The following ARMH4 variants were observed in gnomAD, a reference collection of about 807,000 sequenced individuals.
ARMH4 encodes armadillo-like helical domain-containing protein 4.
A neutral mutation model predicts 61.9 loss-of-function variants in ARMH4; 49 were observed. The ratio of observed to expected loss-of-function variants is 0.79; its 90% CI spans 0.63 to 1.00. The LOEUF (loss-of-function observed/expected upper bound fraction) is 1.00, where lower values mean the gene tolerates loss of function less well. Ranked by LOEUF, ARMH4 falls within the 50% of genes least tolerant of loss-of-function variation. ARMH4 has a pLI of 0.00. For synonymous variants in ARMH4, 368 were observed against 341.5 expected, an observed-to-expected ratio of 1.08 and a Z score of -0.85; for missense variants, 934 against 930.0, an observed-to-expected ratio of 1.00 and a Z score of -0.06.
At chr14:58,040,956 A>G (rs528215616) in intron 5 of ARMH4, among the ~76,000 whole-genome samples, 2 of 152,324 alleles carry the variant, frequency 1.3e-5, no homozygotes, top group South Asian at 2.1e-4. Context: ...ACGTTCCTCT[A>G]AGTAAAATGA....
At chr14:58,119,909 T>C (rs1886666718) in intron 4 of ARMH4, among the ~76,000 whole-genome samples, 1 of 152,204 alleles carries the variant, frequency 6.6e-6, no homozygotes, top group Non-Finnish European at 1.5e-5. Flanking sequence ...CTTTAGAATT[T>C]TTTCCATATT....
Position 58,096,794 on chromosome 14 carries a change from C to T in ARMH4, c.2019G>A (p.Met673Ile), listed in dbSNP as rs1388463525. The change falls in exon 5 of 8, where the codon ATG (methionine) becomes ATA (isoleucine). Residue 673 changes from methionine to isoleucine, a missense_variant. Transcript: ENST00000267485. Reference protein sequence around the residue: ...SQEPGLEEGNMDLLEGATYQV... With the variant: ...SQEPGLEEGNIDLLEGATYQV... ...GGTAGGTAGCTCCCTCCAACAGGTC[C>T]ATGTTTCCCTCCTCTAAGCCTGGTT... is the stretch of plus-strand genomic sequence containing the variant. The T allele has an allele frequency of 1.9e-6, 3 of 1,613,984 alleles. No individual in the cohort carries two copies. The highest frequency in any genetic ancestry group is 2.5e-6 in the Non-Finnish European group (3 of 1,180,026).
intron 4 of ARMH4, among the ~76,000 whole-genome samples, chr14:58,128,770 C>T (rs1372220700): frequency 6.6e-6 from 1 of 152,298 alleles, no homozygotes; most frequent in Middle Eastern, 3.4e-3. Context: ...CAGAAGCAGA[C>T]CCCTGTTACA....
intron 4 of ARMH4, among the ~76,000 whole-genome samples, chr14:58,121,021 C>T (rs1184372656): frequency 6.6e-6 from 1 of 152,136 alleles, no homozygotes; most frequent in African/African-American, 2.4e-5. Flanking sequence ...ATTTGTAGGG[C>T]ATGGCTCTCC....
chr14:58,091,460 GA>G (rs919550231), intron 5 of ARMH4, among the ~76,000 whole-genome samples: 7 of 151,996 alleles, frequency 4.6e-5, no homozygotes, highest in South Asian at 2.1e-4. Context: ...GTTTTGAGGG[GA>G]AAAAAATGTA....
chr14:58,150,166 G>A (rs1036012937), intron 1 of ARMH4, among the ~76,000 whole-genome samples: 1 of 152,136 alleles, frequency 6.6e-6, no homozygotes. Flanking sequence ...CCATTTGCTT[G>A]GCTAGATCTC....
At chr14:58,075,446 C>T (rs1255863709) in intron 5 of ARMH4, among the ~76,000 whole-genome samples, 1 of 152,134 alleles carries the variant, frequency 6.6e-6, no homozygotes, top group Admixed American at 6.5e-5. Context: ...AGTTCATGTC[C>T]TTTGCAGGGA....
intron 5 of ARMH4, among the ~76,000 whole-genome samples, chr14:58,064,080 C>A (rs1411823450): frequency 6.7e-6 from 1 of 149,872 alleles, no homozygotes; most frequent in African/African-American, 2.5e-5. Context: ...ATAGGTTGAG[C>A]CAACACCCAA....
At chr14:58,068,132 C>A (rs931724606) in intron 5 of ARMH4, among the ~76,000 whole-genome samples, 2 of 152,062 alleles carry the variant, frequency 1.3e-5, no homozygotes, top group South Asian at 2.1e-4. Flanking sequence ...GCTTTTAGTT[C>A]TTTTTATTAT....
intron 4 of ARMH4, among the ~76,000 whole-genome samples, chr14:58,108,502 T>C (rs1886242079): frequency 1.3e-5 from 2 of 152,202 alleles, no homozygotes; most frequent in African/African-American, 2.4e-5. Context: ...ACTGCTATAT[T>C]TGGGGACTTT....
chr14:58,131,248 T>A (rs1887083992), intron 4 of ARMH4: 1 of 396,344 alleles, frequency 2.5e-6, no homozygotes, highest in South Asian at 3.9e-5. Flanking sequence ...ACACTGGAAT[T>A]TGAATTTTTA....
chr14:58,070,675 C>T (rs1416093929), intron 5 of ARMH4, among the ~76,000 whole-genome samples: 1 of 152,164 alleles, frequency 6.6e-6, no homozygotes, highest in East Asian at 1.9e-4. Flanking sequence ...AATGGGGTAT[C>T]CATCCCCTCA....
intron 1 of ARMH4, chr14:58,141,567 C>G: frequency 4.0e-6 from 2 of 504,434 alleles, no homozygotes; most frequent in Non-Finnish European, 7.9e-6. Flanking sequence ...AGATGATCTG[C>G]TGCAAGTGCT....
At chr14:58,049,483 G>A (rs1884064077) in intron 5 of ARMH4, among the ~76,000 whole-genome samples, 1 of 152,132 alleles carries the variant, frequency 6.6e-6, no homozygotes, top group African/African-American at 2.4e-5. Flanking sequence ...ATTACAGCCA[G>A]AAGAATGAAA....
intron 4 of ARMH4, among the ~76,000 whole-genome samples, chr14:58,124,621 T>C (rs1192500174): frequency 6.6e-6 from 1 of 152,198 alleles, no homozygotes. Flanking sequence ...CAACTCTTAA[T>C]CCAGCAACAT....
At position 58,060,316 on chromosome 14, in the gene ARMH4, G is replaced by A. The variant is rs182771049; in HGVS notation, c.2089+36408C>T. 4.6e-5 allele frequency among the ~76,000 whole-genome samples: 7 copies of A among 152,238 alleles called. No homozygotes were observed. The East Asian group carries it at 1.4e-3, about 29-fold the overall frequency. ...CTCATAACTCTTTGCCACAAAGAAG[G>A]GAATCCCATGTCCTTGGCTTCGTAC... On this transcript the variant is annotated intron_variant, in intron 5 of 7. Transcript: ENST00000267485.
intron 5 of ARMH4, among the ~76,000 whole-genome samples, chr14:58,038,941 T>C (rs1957113649): frequency 1.3e-5 from 2 of 152,222 alleles, no homozygotes; most frequent in Admixed American, 1.3e-4. Flanking sequence ...GGAAATGCAC[T>C]GCGTAGCTCT....
At chr14:58,016,099 G>A (rs1022605256) in intron 5 of ARMH4, among the ~76,000 whole-genome samples, 2 of 151,922 alleles carry the variant, frequency 1.3e-5, no homozygotes, top group African/African-American at 4.8e-5. Context: ...TTTATATGAA[G>A]CTCCAGTTAT....
chr14:58,100,263 T>C lies in ARMH4; in HGVS notation c.1832-3282A>G, dbSNP rs192602183. Among the ~76,000 whole-genome samples, 52 of 152,140 alleles carry C rather than the reference T, an allele frequency of 3.4e-4. No homozygotes were observed. The East Asian group carries it at 9.1e-3, about 27-fold the overall frequency. On this transcript the variant is annotated intron_variant, in intron 4 of 7. Coordinates refer to ENST00000267485, the MANE Select transcript of ARMH4 (RefSeq NM_001001872.4). ...AGCGTGAAATAGTCGTCTTGGAGAG[T>C]AGGCGAGTACATTCTCAGAGAAATG...
Sources: allele counts gnomAD v4.1 joint callset (sites outside exome capture counted in the v4.1 genomes callset), GRCh38; gene constraint gnomAD v4.1.1; transcripts MANE v1.5; gene names NCBI Gene and HGNC (gene_info 2026-07-23, HGNC 2026-07-21).